Variants in USP30 observed in about 807,000 individuals in gnomAD.
The protein encoded by USP30 is ubiquitin specific peptidase 30, also known as ubiquitin carboxyl-terminal hydrolase 30.
USP30 carries 41 observed loss-of-function variants against 68.2 expected under a neutral mutation model. The observed-to-expected ratio is 0.60, with a 90% CI of 0.47 to 0.78. USP30 has a LOEUF of 0.78. Ranked by LOEUF, USP30 falls within the 30% of genes least tolerant of loss-of-function variation. The pLI, the probability that USP30 is intolerant of heterozygous loss-of-function variation, is 0.00. For missense variants in USP30, 522 were observed against 649.4 expected, an observed-to-expected ratio of 0.80 and a Z score of 2.13; for synonymous variants, 229 against 253.7, an observed-to-expected ratio of 0.90 and a Z score of 0.93.
chr12:109,043,136 G>A (rs779209230), intron 3 of USP30, among the ~76,000 whole-genome samples: 2 of 152,160 alleles, frequency 1.3e-5, no homozygotes, highest in Non-Finnish European at 2.9e-5. Context: ...TCCATGGATT[G>A]GAAGAATTAA....
chr12:109,062,687 A>G (rs1024687144), intron 3 of USP30, among the ~76,000 whole-genome samples: 1 of 151,984 alleles, frequency 6.6e-6, no homozygotes, highest in Non-Finnish European at 1.5e-5. Context: ...TTGCTAGTTT[A>G]TATCCTTTGC....
chr12:109,083,178 T>G, intron 11 of USP30, 116 bp downstream of exon 11: 1 of 1,069,296 alleles, frequency 9.4e-7, no homozygotes. Context: ...ACAATGGTGC[T>G]TAAACTCTTG....
Position 109,052,699 on chromosome 12 carries a change from G to A in USP30, c.21G>A (p.Glu7=). 1 of 1,488,080 alleles carries A rather than the reference G, an allele frequency of 6.7e-7. No individual in the cohort carries two copies. The highest frequency in any genetic ancestry group is 8.9e-7 in the Non-Finnish European group (1 of 1,122,290). 92.2% of individuals were successfully genotyped at this position (1,488,080 alleles called of 1,614,324 possible). Reference sequence around the variant, plus strand: ...CTGCAATGCTGAGCTCCCGGGCCGAGGCGGCGATGACCGCGGCCGACAGGG... The same window carrying A: ...CTGCAATGCTGAGCTCCCGGGCCGAAGCGGCGATGACCGCGGCCGACAGGG... MLSSRA[E]AAMTAADRAI... is the part of the protein sequence containing the mutation. Residue 7 remains glutamate, a synonymous_variant, in exon 1 of 13, where the codon GAG becomes GAA. Transcript: ENST00000257548.
chr12:109,027,169 G>A (rs139553188), intron 2 of USP30, among the ~76,000 whole-genome samples: 11 of 152,220 alleles, frequency 7.2e-5, no homozygotes, highest in Admixed American at 2.0e-4. Flanking sequence ...TAACCATCAC[G>A]CTATTGACTT....
At chr12:109,056,939 C>T in intron 2 of USP30, 148 bp downstream of exon 2, 1 of 514,884 alleles carries the variant, frequency 1.9e-6, no homozygotes, top group Non-Finnish European at 3.3e-6. Flanking sequence ...AGTACTTTTA[C>T]CGTTAGTCAT....
At position 109,052,631 on chromosome 12, in the gene USP30, C is replaced by G; in HGVS notation, c.-48C>G. ...GTCGTATCCCTCGGTCCGGCGGCGGCGGCGGCGGTAGCGGAGGAGACGGTT... is the reference window on the plus strand; with the variant it reads ...GTCGTATCCCTCGGTCCGGCGGCGGGGGCGGCGGTAGCGGAGGAGACGGTT... On this transcript the variant is annotated 5_prime_UTR_variant, in exon 1 of 13. Coordinates refer to ENST00000257548, the MANE Select transcript of USP30 (RefSeq NM_032663.5). 6.9e-7 allele frequency: 1 copy of G among 1,449,070 alleles called. No individual in the cohort carries two copies. The highest frequency in any genetic ancestry group is 9.0e-7 in the Non-Finnish European group (1 of 1,106,784). The allele number at this position is 1,449,070 out of a possible 1,614,324, so 89.8% of individuals were successfully genotyped here.
At chr12:109,084,518 C>CTACTAG (rs976844178) in intron 11 of USP30, among the ~76,000 whole-genome samples, 2 of 152,144 alleles carry the variant, frequency 1.3e-5, no homozygotes, top group Non-Finnish European at 2.9e-5. Context: ...CTACTGGTGT[C>CTACTAG]TAGTGGGTAG....
In USP30 at chr12:109,085,047, C is replaced by T. The variant is rs2041907547; in HGVS notation, c.1263C>T (p.Phe421=). The change falls in exon 12 of 13, where the codon TTC becomes TTT. Residue 421 remains phenylalanine, a synonymous_variant. Coordinates refer to ENST00000257548, the MANE Select transcript of USP30 (RefSeq NM_032663.5). ...CAACGCTGTCAGCGCCGATGCCCTT[C>T]CCTCTCCCAGTTGTTCCCGACTACA... The part of the protein sequence containing the change: ...LLPTLSAPMP[F]PLPVVPDYSS... 2 of 1,599,108 alleles carry T rather than the reference C, an allele frequency of 1.3e-6. No individual in the cohort carries two copies. Among genetic ancestry groups the T allele is most frequent in the Non-Finnish European group, 1.7e-6 (2 of 1,171,248 alleles).
upstream of USP30, among the ~76,000 whole-genome samples, chr12:109,051,106 C>T (rs7961975): frequency 0.8 from 122,277 of 152,044 alleles, 49,419 homozygotes; most frequent in East Asian, 1. Context: ...GCCCAGGTGG[C>T]CTTGGACTCT....
At chr12:109,023,605 C>T (rs2040422855) in intron 1 of USP30, among the ~76,000 whole-genome samples, 2 of 144,362 alleles carry the variant, frequency 1.4e-5, no homozygotes, top group South Asian at 4.6e-4. Flanking sequence ...ATTTCAGCTT[C>T]TACTCATGTG....
intron 3 of USP30, among the ~76,000 whole-genome samples, chr12:109,034,067 C>A (rs2040501733): frequency 6.6e-6 from 1 of 152,136 alleles, no homozygotes; most frequent in South Asian, 2.1e-4. Context: ...GTAAACCTGT[C>A]CAGACCTAAG....
At chr12:109,030,007 GTAA>G (rs1254009586) in intron 3 of USP30, among the ~76,000 whole-genome samples, 1 of 152,144 alleles carries the variant, frequency 6.6e-6, no homozygotes, top group African/African-American at 2.4e-5. Context: ...TTTATTTCCA[GTAA>G]TCATTATTGA....
intron 5 of USP30, 103 bp from the exon 6 acceptor site, chr12:109,072,202 G>T: frequency 5.1e-6 from 5 of 983,338 alleles, no homozygotes; most frequent in Non-Finnish European, 7.9e-6. Flanking sequence ...ATTTTTAGTG[G>T]TGTAATCAAC....
chr12:109,072,209 C>A, intron 5 of USP30, 96 bp from the exon 6 acceptor site: 1 of 1,072,802 alleles, frequency 9.3e-7, no homozygotes, highest in Non-Finnish European at 1.4e-6. Flanking sequence ...GTGGTGTAAT[C>A]AACGTAGAAA....
At position 109,077,515 on chromosome 12, in the gene USP30, C is replaced by A. The variant is rs549368406; in HGVS notation, c.721-3819C>A. Among the ~76,000 whole-genome samples the A allele has an allele frequency of 7.9e-5, 12 of 152,126 alleles. No homozygotes were observed. In the South Asian group the frequency reaches 2.5e-3, roughly 32 times the overall value. ...TTAATCTAGCTAATGTTTATTTGGT[C>A]ATTTCTTTCTGTCATTTTCGGCCTT... On this transcript the variant is annotated intron_variant, in intron 7 of 12. Coordinates refer to ENST00000257548, the MANE Select transcript of USP30 (RefSeq NM_032663.5).
Position 109,082,859 on chromosome 12 carries a change from G to A in USP30, c.965G>A (p.Cys322Tyr), listed in dbSNP as rs2041842840. 6.2e-7 allele frequency: 1 copy of A among 1,613,822 alleles called. No homozygotes were observed. Among genetic ancestry groups the A allele is most frequent in the South Asian group, 1.1e-5 (1 of 91,068 alleles). ...LKLGKLPQCL[C>Y]IHLQRLSWSS... Reference sequence around the variant, plus strand: ...CACCCGCAGCTCCCTCAGTGTCTCTGCATCCACCTACAGCGGCTGAGCTGG... The same window carrying A: ...CACCCGCAGCTCCCTCAGTGTCTCTACATCCACCTACAGCGGCTGAGCTGG... The change falls in exon 11 of 13, where the codon TGC becomes TAC. Residue 322 changes from cysteine to tyrosine, a missense_variant. Physicochemically the swap from Cys to Tyr is radical, Grantham distance 194. Transcript: ENST00000257548.
At chr12:109,039,040 G>A (rs1312494014) in intron 3 of USP30, among the ~76,000 whole-genome samples, 1 of 152,084 alleles carries the variant, frequency 6.6e-6, no homozygotes, top group Non-Finnish European at 1.5e-5. Context: ...TAAACATTTT[G>A]TGGCTTATCT....
At position 109,081,952 on chromosome 12, in the gene USP30, A is replaced by C. The variant is rs1434328508; in HGVS notation, c.800A>C (p.Asp267Ala). The part of the protein sequence containing the change: ...AATWGHPLTL[D>A]HCLHHFISSE... Reference sequence around the variant, plus strand: ...CTGTAGGGTCACCCATTGACCCTGGACCACTGCCTTCACCACTTCATCTCA... The same window carrying C: ...CTGTAGGGTCACCCATTGACCCTGGCCCACTGCCTTCACCACTTCATCTCA... Residue 267 changes from aspartate (D) to alanine (A), a missense_variant, in exon 9 of 13, where the codon GAC (aspartate) becomes GCC (alanine). By Grantham distance (126) the Asp-to-Ala change is moderately radical (BLOSUM62 -2). Transcript: ENST00000257548. The C allele has an allele frequency of 1.9e-6, 3 of 1,614,238 alleles. No individual in the cohort carries two copies. The highest frequency in any genetic ancestry group is 2.5e-6 in the Non-Finnish European group (3 of 1,180,052).
chr12:109,043,520 T>G (rs2040578887), intron 3 of USP30, among the ~76,000 whole-genome samples: 1 of 152,178 alleles, frequency 6.6e-6, no homozygotes, highest in Non-Finnish European at 1.5e-5. Flanking sequence ...AAACTGGATA[T>G]CTATGTGCAA....
Sources: gnomAD v4.1 joint callset for allele counts (sites outside exome capture counted in the v4.1 genomes callset) on GRCh38, gnomAD v4.1.1 for gene constraint, MANE v1.5 for transcripts, NCBI Gene and HGNC (gene_info 2026-07-23, HGNC 2026-07-21) for gene names.